SYNPR: variants seen among roughly 807,000 people sequenced by gnomAD.
The protein encoded by SYNPR is synaptoporin.
In SYNPR, 23 loss-of-function variants were observed where a neutral mutation model predicts 32.9. The observed-to-expected ratio is 0.70, with a 90% CI of 0.50 to 0.99. The LOEUF is 0.99. Among genes scored for constraint, SYNPR ranks in the 50% least tolerant of loss-of-function variants. SYNPR has a pLI of 0.00. For missense variants in SYNPR, 318 were observed against 349.3 expected (o/e 0.91, Z 0.71); for synonymous variants, 146 against 135.9 (o/e 1.07, Z -0.52).
intron 4 of SYNPR, among the ~76,000 whole-genome samples, chr3:63,606,205 G>C (rs75252731): frequency 6.6e-6 from 1 of 152,050 alleles, no homozygotes; most frequent in Non-Finnish European, 1.5e-5. Flanking sequence ...TAATGACAAA[G>C]TCTGAACTTT....
chr3:63,521,250 C>T (rs1427032651), intron 3 of SYNPR, among the ~76,000 whole-genome samples: 1 of 152,108 alleles, frequency 6.6e-6, no homozygotes, highest in Non-Finnish European at 1.5e-5. Context: ...CCACTTTTTA[C>T]CTATAAAGCT....
At chr3:63,264,986 G>A (rs2086471547) in intron 2 of SYNPR, among the ~76,000 whole-genome samples, 1 of 151,966 alleles carries the variant, frequency 6.6e-6, no homozygotes, top group African/African-American at 2.4e-5. Context: ...GGGGATTATG[G>A]GGATTAAAAT....
chr3:63,369,745 A>AT (rs1453558440), intron 2 of SYNPR, among the ~76,000 whole-genome samples: 2 of 152,176 alleles, frequency 1.3e-5, no homozygotes, highest in Non-Finnish European at 2.9e-5. Context: ...CCATGTCATT[A>AT]TTTTTTATTT....
At chr3:63,247,682 G>A (rs573003246) in intron 1 of SYNPR, among the ~76,000 whole-genome samples, 1 of 152,174 alleles carries the variant, frequency 6.6e-6, no homozygotes, top group South Asian at 2.1e-4. Context: ...TGTTTCCACT[G>A]GATTAATTCT....
At chr3:63,388,546 C>G (rs1326163003) in intron 2 of SYNPR, among the ~76,000 whole-genome samples, 1 of 119,332 alleles carries the variant, frequency 8.4e-6, no homozygotes, top group Admixed American at 8.9e-5. Context: ...CACCACCACA[C>G]CCGGCTAATT....
chr3:63,327,002 G>GA (rs111276219), intron 2 of SYNPR, among the ~76,000 whole-genome samples: 123 of 144,040 alleles, frequency 8.5e-4, no homozygotes, highest in East Asian at 1.2e-3. Flanking sequence ...TTTCCTCATA[G>GA]AAAAAAAAAA....
At chr3:63,533,461 A>T (rs551809873) in intron 3 of SYNPR, among the ~76,000 whole-genome samples, 1 of 152,298 alleles carries the variant, frequency 6.6e-6, no homozygotes, top group South Asian at 2.1e-4. Context: ...TTTGTTTTAA[A>T]GATTCTGAGA....
chr3:63,485,866 A>G (rs1203258862), intron 3 of SYNPR, among the ~76,000 whole-genome samples: 1 of 152,246 alleles, frequency 6.6e-6, no homozygotes, highest in African/African-American at 2.4e-5. Flanking sequence ...AATAAAAAAT[A>G]AAGTAGTTGC....
chr3:63,426,009 A>T (rs1375606021), intron 2 of SYNPR, among the ~76,000 whole-genome samples: 1 of 149,944 alleles, frequency 6.7e-6, no homozygotes, highest in Non-Finnish European at 1.5e-5. Flanking sequence ...CTGGTCTTGA[A>T]CTCCTGACCT....
intron 2 of SYNPR, among the ~76,000 whole-genome samples, chr3:63,352,840 C>A (rs933107748): frequency 1.3e-5 from 2 of 152,058 alleles, no homozygotes; most frequent in South Asian, 2.1e-4. Context: ...TTTGTTAAAC[C>A]ATCATATCTC....
chr3:63,579,054 T>A (rs1559541712), intron 4 of SYNPR, among the ~76,000 whole-genome samples: 1 of 152,136 alleles, frequency 6.6e-6, no homozygotes, highest in Non-Finnish European at 1.5e-5. Flanking sequence ...TAATCCAGAC[T>A]GTTGTCACCT....
chr3:63,421,666 A>G (rs568314372), intron 2 of SYNPR, among the ~76,000 whole-genome samples: 32 of 152,296 alleles, frequency 2.1e-4, no homozygotes, highest in Non-Finnish European at 4.1e-4. Context: ...CCTAGTTTCC[A>G]TGGGGCAAGA....
intron 2 of SYNPR, among the ~76,000 whole-genome samples, chr3:63,353,045 T>C (rs1473068982): frequency 1.3e-5 from 2 of 152,316 alleles, no homozygotes; most frequent in African/African-American, 4.8e-5. Context: ...ATAATAATTG[T>C]ATATATTATG....
chr3:63,509,103 C>CAT (rs745994932), intron 3 of SYNPR, among the ~76,000 whole-genome samples: 2,000 of 146,776 alleles, frequency 0.014, 31 homozygotes, highest in African/African-American at 0.041. Context: ...TACCTTTCAG[C>CAT]ATATATATAT....
At chr3:63,544,720 T>C (rs956804486) in intron 3 of SYNPR, among the ~76,000 whole-genome samples, 3 of 152,120 alleles carry the variant, frequency 2.0e-5, no homozygotes, top group Non-Finnish European at 2.9e-5. Flanking sequence ...CTAAAAGAGT[T>C]TGGATTTTTA....
intron 2 of SYNPR, among the ~76,000 whole-genome samples, chr3:63,336,994 G>A (rs1162779082): frequency 1.3e-5 from 2 of 152,064 alleles, no homozygotes; most frequent in East Asian, 1.9e-4. Flanking sequence ...CACTTTGGAA[G>A]GTCCAGGTGG....
intron 2 of SYNPR, among the ~76,000 whole-genome samples, chr3:63,382,120 G>A (rs1283567956): frequency 6.6e-6 from 1 of 152,150 alleles, no homozygotes; most frequent in Non-Finnish European, 1.5e-5. Flanking sequence ...AAGAAGGGAA[G>A]GAAACTGTAT....
At position 63,356,021 on chromosome 3, in the gene SYNPR, C is replaced by T. The variant is rs577620554; in HGVS notation, c.84+77279C>T. ...CCCCTTTTCAGTCTTTGGAATTCCA[C>T]ATTCCCTCCTACTCATCCTTGGCCT... is the stretch of plus-strand genomic sequence containing the variant. On this transcript the variant is annotated intron_variant, in intron 2 of 5. Transcript: ENST00000478300. Among the ~76,000 whole-genome samples, 3 of 152,330 alleles carry T rather than the reference C, an allele frequency of 2.0e-5. No individual in the cohort carries two copies. The South Asian group carries it at 6.2e-4, about 32-fold the overall frequency.
intron 5 of SYNPR, among the ~76,000 whole-genome samples, 178 bp from the exon 6 acceptor site, chr3:63,615,046 C>T (rs780683205): frequency 9.9e-5 from 15 of 152,052 alleles, no homozygotes; most frequent in Non-Finnish European, 1.6e-4. Flanking sequence ...ACATGTAGTG[C>T]GTCTAATAAA....
Sources: allele counts gnomAD v4.1 joint callset (sites outside exome capture counted in the v4.1 genomes callset), GRCh38; gene constraint gnomAD v4.1.1; transcripts MANE v1.5; gene names NCBI Gene and HGNC (gene_info 2026-07-23, HGNC 2026-07-21).